The following SLC35D4 variants were observed in gnomAD, a reference collection of about 807,000 sequenced individuals.
SLC35D4 encodes the protein solute carrier family 35 member D4.
At chr18:23,291,065 T>C in the SLC35D4 span, among the ~76,000 whole-genome samples, 5 of 152,240 alleles carry the variant, frequency 3.3e-5, no homozygotes, top group Admixed American at 3.3e-4. Context: ...TAGGTCTCAA[T>C]ATCTTTTGAA....
the SLC35D4 span, chr18:23,298,171 T>C: frequency 1.8e-5 from 24 of 1,331,748 alleles, no homozygotes; most frequent in Non-Finnish European, 2.5e-5. Context: ...ATCCTGCAAC[T>C]GAGACTCATC....
chr18:23,286,631 T>C, the SLC35D4 span, among the ~76,000 whole-genome samples: 100,681 of 148,990 alleles, frequency 0.68, 34,232 homozygotes, highest in African/African-American at 0.77. Context: ...TTAATCAATA[T>C]GGAGGCTACC....
the SLC35D4 span, among the ~76,000 whole-genome samples, chr18:23,322,357 T>C: frequency 6.6e-6 from 1 of 152,366 alleles, no homozygotes; most frequent in South Asian, 2.1e-4. Context: ...CTTGTCCATA[T>C]GTTCTCTTGG....
chr18:23,328,609 C>T, the SLC35D4 span, among the ~76,000 whole-genome samples: 58 of 152,182 alleles, frequency 3.8e-4, no homozygotes, highest in Admixed American at 2.1e-3. Flanking sequence ...GAATCAATAT[C>T]GTGAAAATGG....
At chr18:23,316,205 C>A in the SLC35D4 span, among the ~76,000 whole-genome samples, 5 of 152,190 alleles carry the variant, frequency 3.3e-5, no homozygotes, top group Non-Finnish European at 1.5e-5. Flanking sequence ...TCTCCAGGGA[C>A]GGGCGGACTC....
the SLC35D4 span, among the ~76,000 whole-genome samples, chr18:23,423,287 G>A: frequency 6.6e-6 from 1 of 152,216 alleles, no homozygotes; most frequent in Non-Finnish European, 1.5e-5. Context: ...CATATCCTGT[G>A]TGAAGTTTCA....
chr18:23,247,185 G>T, the SLC35D4 span, among the ~76,000 whole-genome samples: 3 of 152,250 alleles, frequency 2.0e-5, 1 homozygote, highest in Admixed American at 2.0e-4. Flanking sequence ...TCTTGGCATG[G>T]TTGGGAGGCC....
the SLC35D4 span, among the ~76,000 whole-genome samples, chr18:23,255,591 ACT>A: frequency 7.1e-6 from 1 of 139,930 alleles, no homozygotes; most frequent in African/African-American, 2.8e-5. Context: ...ACAGGGTCTC[ACT>A]CTGTCACCCA....
the SLC35D4 span, among the ~76,000 whole-genome samples, chr18:23,277,740 G>A: frequency 6.6e-6 from 1 of 152,168 alleles, no homozygotes; most frequent in Admixed American, 6.6e-5. Context: ...GGGTGAAGGA[G>A]TCAATTTATC....
chr18:23,370,786 C>A, the SLC35D4 span, among the ~76,000 whole-genome samples: 1 of 152,256 alleles, frequency 6.6e-6, no homozygotes, highest in East Asian at 1.9e-4. Context: ...GATATCTTCC[C>A]ACCATTTCTA....
At chr18:23,297,846 T>C in the SLC35D4 span, 127 of 774,766 alleles carry the variant, frequency 1.6e-4, no homozygotes, top group African/African-American at 1.8e-3. Flanking sequence ...ACCACCACAT[T>C]CACTTGGGTG....
the SLC35D4 span, among the ~76,000 whole-genome samples, chr18:23,276,394 G>T: frequency 2.4e-4 from 37 of 152,012 alleles, no homozygotes; most frequent in South Asian, 7.5e-3. Context: ...AGCCAGAAAA[G>T]GGCACATTTT....
At chr18:23,261,056 GA>G in the SLC35D4 span, among the ~76,000 whole-genome samples, 1 of 152,334 alleles carries the variant, frequency 6.6e-6, no homozygotes, top group Non-Finnish European at 1.5e-5. Context: ...AGGTAGTCCA[GA>G]AAGGCTGCAA....
At chr18:23,256,573 C>T in the SLC35D4 span, among the ~76,000 whole-genome samples, 2 of 152,140 alleles carry the variant, frequency 1.3e-5, no homozygotes, top group Non-Finnish European at 2.9e-5. Flanking sequence ...CTCCACCTCC[C>T]GGGTTCAAGT....
At chr18:23,387,775 C>T in the SLC35D4 span, among the ~76,000 whole-genome samples, 1 of 152,124 alleles carries the variant, frequency 6.6e-6, no homozygotes, top group Non-Finnish European at 1.5e-5. Context: ...AAAAGTTCAA[C>T]TCAAATTGTT....
At chr18:23,423,088 G>A in the SLC35D4 span, among the ~76,000 whole-genome samples, 6 of 152,068 alleles carry the variant, frequency 3.9e-5, no homozygotes, top group African/African-American at 9.7e-5. Flanking sequence ...CCCTCTCCAC[G>A]GTCAGCTCCT....
chr18:23,423,701 C>G, the SLC35D4 span, among the ~76,000 whole-genome samples: 1 of 152,140 alleles, frequency 6.6e-6, no homozygotes, highest in South Asian at 2.1e-4. Context: ...GGCAACTAAC[C>G]TAGTCTAGTG....
the SLC35D4 span, among the ~76,000 whole-genome samples, chr18:23,353,408 C>T: frequency 2.0e-5 from 3 of 152,140 alleles, no homozygotes; most frequent in Non-Finnish European, 2.9e-5. Flanking sequence ...GTATTTTCAA[C>T]GGAGCCTAAT....
At chr18:23,342,364 T>C in the SLC35D4 span, among the ~76,000 whole-genome samples, 1 of 152,192 alleles carries the variant, frequency 6.6e-6, no homozygotes, top group African/African-American at 2.4e-5. Flanking sequence ...CATAATATTT[T>C]TGAGGTTCAT....
Sources: allele counts gnomAD v4.1 joint callset (sites outside exome capture counted in the v4.1 genomes callset), GRCh38; gene constraint gnomAD v4.1.1; transcripts MANE v1.5; gene names NCBI Gene and HGNC (gene_info 2026-07-23, HGNC 2026-07-21).